SCAPER: variants seen among roughly 807,000 people sequenced by gnomAD.
The protein encoded by SCAPER is S phase cyclin A-associated protein in the endoplasmic reticulum.
A neutral mutation model predicts 182.2 loss-of-function variants in SCAPER; 98 were observed. The ratio of observed to expected loss-of-function variants is 0.54; its 90% CI spans 0.46 to 0.64. The LOEUF (loss-of-function observed/expected upper bound fraction) is 0.64. Ranked by LOEUF, SCAPER falls within the 30% of genes least tolerant of loss-of-function variation. The pLI is 0.00. For missense variants in SCAPER, 1,432 were observed against 1,690.0 expected (o/e 0.85, Z 2.68); for synonymous variants, 605 against 564.6 (o/e 1.07, Z -1.01).
At chr15:76,575,188 G>A (rs971593754) in intron 22 of SCAPER, among the ~76,000 whole-genome samples, 1 of 152,058 alleles carries the variant, frequency 6.6e-6, no homozygotes, top group Non-Finnish European at 1.5e-5. Flanking sequence ...TCTTTAGCTG[G>A]ATTAATGAAA....
At chr15:76,706,295 A>G (rs1480797076) in intron 17 of SCAPER, among the ~76,000 whole-genome samples, 1 of 152,190 alleles carries the variant, frequency 6.6e-6, no homozygotes, top group East Asian at 1.9e-4. Flanking sequence ...AACTCAATTA[A>G]ACCATTAAAA....
intron 15 of SCAPER, among the ~76,000 whole-genome samples, chr15:76,752,579 A>G (rs1320632042): frequency 6.6e-6 from 1 of 151,760 alleles, no homozygotes; most frequent in Non-Finnish European, 1.5e-5. Flanking sequence ...AACATATGCT[A>G]TAACACTGAA....
intron 17 of SCAPER, among the ~76,000 whole-genome samples, chr15:76,713,185 T>G (rs892355570): frequency 2.0e-5 from 3 of 152,146 alleles, no homozygotes; most frequent in Admixed American, 6.5e-5. Context: ...TTGGTGGGAC[T>G]GTAAACTAGT....
intron 23 of SCAPER, among the ~76,000 whole-genome samples, chr15:76,559,201 A>ATTTTTTTTTTTT (rs58642207): frequency 2.5e-5 from 3 of 121,812 alleles, no homozygotes; most frequent in African/African-American, 7.5e-5. Context: ...CACCCAGCTA[A>ATTTTTTTTTTTT]TTTTTTTTTT....
intron 25 of SCAPER, among the ~76,000 whole-genome samples, chr15:76,470,101 C>T (rs2050020884): frequency 1.3e-5 from 2 of 152,076 alleles, no homozygotes; most frequent in South Asian, 4.2e-4. Context: ...GTAAGGGCTT[C>T]ATAATTCCAT....
rs369320359 is a variant in SCAPER at position 76,705,890 on chromosome 15, A to G, written c.2247+13T>C. On this transcript the variant is annotated intron_variant, in intron 18 of 31. Coordinates refer to ENST00000563290, the MANE Select transcript of SCAPER (RefSeq NM_020843.4). ...CTCTAAAATTTCAAATTAAAAATAT[A>G]TAATATCCTTACCTTGAGCTGAATT... is the stretch of plus-strand genomic sequence containing the variant. 21 of 1,524,964 alleles carry G rather than the reference A, an allele frequency of 1.4e-5. No individual in the cohort carries two copies. The highest frequency in any genetic ancestry group is 1.8e-4 in the Middle Eastern group (1 of 5,682). The allele number at this position is 1,524,964 out of a possible 1,614,324, so 94.5% of individuals were successfully genotyped here.
chr15:76,900,148 G>T (rs1227979930), intron 1 of SCAPER, among the ~76,000 whole-genome samples: 1 of 152,006 alleles, frequency 6.6e-6, no homozygotes, highest in African/African-American at 2.4e-5. Flanking sequence ...CAGCATGCTC[G>T]TTAAGAGTCA....
At chr15:76,876,063 C>G (rs2073134475) in intron 2 of SCAPER, among the ~76,000 whole-genome samples, 1 of 151,502 alleles carries the variant, frequency 6.6e-6, no homozygotes, top group South Asian at 2.1e-4. Flanking sequence ...CTCCCAGCTG[C>G]TGGCCCAGGT....
At chr15:76,593,012 G>C (rs2469246) in intron 22 of SCAPER, among the ~76,000 whole-genome samples, 111,473 of 116,226 alleles carry the variant, frequency 0.96, 54,032 homozygotes, top group South Asian at 1. Flanking sequence ...GCCAGGGAGC[G>C]AACTCGTCTT....
At chr15:76,902,142 G>A (rs977790908) in intron 1 of SCAPER, among the ~76,000 whole-genome samples, 3 of 152,156 alleles carry the variant, frequency 2.0e-5, no homozygotes, top group Non-Finnish European at 4.4e-5. Context: ...AGCTACAAAT[G>A]CACCATGGAA....
intron 15 of SCAPER, among the ~76,000 whole-genome samples, chr15:76,741,743 CTAGGT>C (rs976682935): frequency 4.7e-4 from 71 of 152,178 alleles, no homozygotes; most frequent in Middle Eastern, 3.4e-3. Flanking sequence ...TTTTCCAAAT[CTAGGT>C]TAATGGGTGA....
At chr15:76,479,447 G>C (rs2050923473) in intron 24 of SCAPER, among the ~76,000 whole-genome samples, 1 of 152,150 alleles carries the variant, frequency 6.6e-6, no homozygotes. Context: ...AGTACCCTGT[G>C]GTTGGGGGTT....
chr15:76,891,539 A>G (rs972137438), intron 1 of SCAPER, among the ~76,000 whole-genome samples: 1 of 152,248 alleles, frequency 6.6e-6, no homozygotes, highest in East Asian at 1.9e-4. Flanking sequence ...AGAGAGCCCA[A>G]TCATGAGTGA....
chr15:76,419,027 C>G (rs912989537), intron 26 of SCAPER, among the ~76,000 whole-genome samples: 2 of 152,202 alleles, frequency 1.3e-5, no homozygotes, highest in African/African-American at 4.8e-5. Context: ...GTACCTGGCC[C>G]AACAACCAGC....
At chr15:76,717,740 G>T (rs2059966781) in intron 17 of SCAPER, among the ~76,000 whole-genome samples, 1 of 152,018 alleles carries the variant, frequency 6.6e-6, no homozygotes, top group Admixed American at 6.6e-5. Context: ...GTTCATCAAT[G>T]GGATGTAACA....
chr15:76,724,660 C>T (rs535022057), intron 17 of SCAPER, among the ~76,000 whole-genome samples: 119 of 152,266 alleles, frequency 7.8e-4, no homozygotes, highest in African/African-American at 2.7e-3. Flanking sequence ...TCTCTTCACG[C>T]TTCATTTCAT....
intron 21 of SCAPER, among the ~76,000 whole-genome samples, chr15:76,625,190 T>C (rs2052453747): frequency 1.3e-5 from 2 of 152,048 alleles, no homozygotes; most frequent in South Asian, 4.1e-4. Flanking sequence ...TGGTGGTATG[T>C]GTAGGTGCTA....
intron 26 of SCAPER, among the ~76,000 whole-genome samples, chr15:76,415,872 G>C (rs2045610219): frequency 6.6e-6 from 1 of 151,870 alleles, no homozygotes; most frequent in South Asian, 2.1e-4. Flanking sequence ...AGACAAATAT[G>C]GAAAATCTTA....
chr15:76,859,401 G>A (rs1004334858), intron 3 of SCAPER, among the ~76,000 whole-genome samples: 1 of 152,158 alleles, frequency 6.6e-6, no homozygotes, highest in Non-Finnish European at 1.5e-5. Context: ...AGAAAAACCA[G>A]CTTAGAATAA....
Sources: allele counts gnomAD v4.1 joint callset (sites outside exome capture counted in the v4.1 genomes callset), GRCh38; gene constraint gnomAD v4.1.1; transcripts MANE v1.5; gene names NCBI Gene and HGNC (gene_info 2026-07-23, HGNC 2026-07-21).